Variants in GPR39 observed in about 807,000 individuals in gnomAD.
The protein encoded by GPR39 is zinc sensing receptor.
A neutral mutation model predicts 18.4 loss-of-function variants in GPR39; 23 were observed. The ratio of observed to expected loss-of-function variants is 1.25; its 90% CI spans 0.90 to 1.77. GPR39 has a LOEUF of 1.77. Ranked by LOEUF, GPR39 falls within the 40% of genes most tolerant of loss-of-function variation. GPR39 has a pLI of 0.00. For synonymous variants in GPR39, 280 were observed against 257.9 expected, an observed-to-expected ratio of 1.09 and a Z score of -0.82; for missense variants, 647 against 602.4, an observed-to-expected ratio of 1.07 and a Z score of -0.78.
rs1333589975 is a variant in GPR39, at chr2:132,493,231, CAT to C, written c.856+75341_856+75342del. On this transcript the variant is annotated intron_variant, in intron 1 of 1. Coordinates refer to ENST00000329321, the MANE Select transcript of GPR39 (RefSeq NM_001508.3). ...CCATATATGTACACCATATATACACCATATATATACACCATATATACACCATA... is the reference window on the plus strand; with the variant it reads ...CCATATATGTACACCATATATACACCATATATACACCATATATACACCATA... 4.0e-3 allele frequency among the ~76,000 whole-genome samples: 554 copies of C among 139,326 alleles called. 10 individuals carry two copies. The highest frequency in any genetic ancestry group is 0.012 in the African/African-American group (449 of 36,124). The allele number at this position is 139,326 out of a possible 152,430, so 91.4% of individuals were successfully genotyped here. A position where few individuals can be genotyped will look rare whatever the true frequency, so the allele number is the denominator to read the frequency against.
chr2:132,567,863 GTT>G lies in GPR39; in HGVS notation c.857-77235_857-77234del, dbSNP rs1342969805. On this transcript the variant is annotated intron_variant, in intron 1 of 1. Transcript: ENST00000329321. ...ATAGTAAGTTTCACGAGATCTGATGGTTTTAAAAAGGGGAGTTTCCCTACACA... is the reference window on the plus strand; with the variant it reads ...ATAGTAAGTTTCACGAGATCTGATGGTTAAAAAGGGGAGTTTCCCTACACA... Among the ~76,000 whole-genome samples, 1,383 of 151,888 alleles carry G rather than the reference GTT, an allele frequency of 9.1e-3. 20 individuals carry two copies. Among genetic ancestry groups the G allele is most frequent in the African/African-American group, 0.029 (1,212 of 41,394 alleles).
intron 1 of GPR39, among the ~76,000 whole-genome samples, chr2:132,418,197 T>C (rs1347659697): frequency 6.6e-6 from 1 of 152,196 alleles, no homozygotes; most frequent in Non-Finnish European, 1.5e-5. Context: ...CACAAAAATC[T>C]TTGGTAAAAT....
intron 1 of GPR39, among the ~76,000 whole-genome samples, chr2:132,587,723 T>C (rs1484659584): frequency 6.6e-6 from 1 of 151,948 alleles, no homozygotes; most frequent in Non-Finnish European, 1.5e-5. Context: ...TTAGTAGAGA[T>C]GGGGTTTCGC....
intron 1 of GPR39, among the ~76,000 whole-genome samples, chr2:132,441,963 G>C (rs113390378): frequency 3.9e-5 from 6 of 152,158 alleles, no homozygotes; most frequent in African/African-American, 1.2e-4. Context: ...TTCCCAGGGT[G>C]TTTCTCCTTG....
chr2:132,530,816 C>G (rs1441037891), intron 1 of GPR39, among the ~76,000 whole-genome samples: 2 of 152,134 alleles, frequency 1.3e-5, no homozygotes, highest in African/African-American at 4.8e-5. Context: ...GAGATTTTGT[C>G]ACCACCAGGC....
rs34104835 is a variant in GPR39, at chr2:132,598,431, C to CTTTTTTTTTTTTT, written c.857-46661_857-46649dup. 3.3e-5 allele frequency among the ~76,000 whole-genome samples: 3 copies of CTTTTTTTTTTTTT among 90,458 alleles called. 1 individual carries two copies. Among genetic ancestry groups the CTTTTTTTTTTTTT allele is most frequent in the African/African-American group, 1.3e-4 (3 of 22,230 alleles). The allele number at this position is 90,458 out of a possible 152,430, so 59.3% of individuals were successfully genotyped here. On this transcript the variant is annotated intron_variant, in intron 1 of 1. Coordinates refer to ENST00000329321, the MANE Select transcript of GPR39 (RefSeq NM_001508.3). Reference sequence around the variant, plus strand: ...TCTGATTTGGCTGGTCTAAGGTGAACTTTTTTTTTTTTTTTTTTTTTAAGC... The same window carrying CTTTTTTTTTTTTT: ...TCTGATTTGGCTGGTCTAAGGTGAACTTTTTTTTTTTTTTTTTTTTTTTTTTTTTTTTTTAAGC...
At chr2:132,502,721 A>G (rs1336945130) in intron 1 of GPR39, among the ~76,000 whole-genome samples, 2 of 152,120 alleles carry the variant, frequency 1.3e-5, no homozygotes, top group Non-Finnish European at 2.9e-5. Flanking sequence ...TTAGGTTTGG[A>G]CATTTAACAT....
intron 1 of GPR39, chr2:132,644,775 T>C (rs1681960906): frequency 1.1e-5 from 3 of 283,832 alleles, no homozygotes; most frequent in East Asian, 7.8e-5. Flanking sequence ...ATGGATAACA[T>C]GAACTGCTTT....
chr2:132,465,403 C>T (rs1680910318), intron 1 of GPR39, among the ~76,000 whole-genome samples: 1 of 152,150 alleles, frequency 6.6e-6, no homozygotes, highest in Non-Finnish European at 1.5e-5. Context: ...AATGCAACTT[C>T]CCCTAGTCTC....
At chr2:132,619,001 C>T (rs546525186) in intron 1 of GPR39, among the ~76,000 whole-genome samples, 50 of 152,278 alleles carry the variant, frequency 3.3e-4, no homozygotes, top group Middle Eastern at 3.4e-3. Context: ...CTGGTAACCC[C>T]GAGGACGGAC....
At chr2:132,613,292 G>A (rs1469178437) in intron 1 of GPR39, among the ~76,000 whole-genome samples, 1 of 152,204 alleles carries the variant, frequency 6.6e-6, no homozygotes, top group African/African-American at 2.4e-5. Flanking sequence ...CTTGTGCAAG[G>A]ATAAGGAACA....
intron 1 of GPR39, among the ~76,000 whole-genome samples, chr2:132,577,736 T>G (rs539188253): frequency 2.0e-5 from 3 of 152,258 alleles, no homozygotes; most frequent in Non-Finnish European, 4.4e-5. Context: ...CCTTGTATCC[T>G]GTAACCTTAT....
intron 1 of GPR39, among the ~76,000 whole-genome samples, chr2:132,524,378 C>T (rs1045055025): frequency 6.6e-6 from 1 of 152,076 alleles, no homozygotes; most frequent in African/African-American, 2.4e-5. Flanking sequence ...GACACCTGTG[C>T]CCTCCTTCCC....
chr2:132,487,624 A>G (rs979469093), intron 1 of GPR39, among the ~76,000 whole-genome samples: 2 of 152,206 alleles, frequency 1.3e-5, no homozygotes, highest in Non-Finnish European at 2.9e-5. Flanking sequence ...TTAGAAATGA[A>G]AATTATAATA....
intron 1 of GPR39, among the ~76,000 whole-genome samples, chr2:132,565,528 C>T (rs961889940): frequency 6.7e-6 from 1 of 148,788 alleles, no homozygotes; most frequent in African/African-American, 2.5e-5. Context: ...TTAGGTATAT[C>T]TCCCAATGCC....
At chr2:132,569,802 TAA>T (rs1351184673) in intron 1 of GPR39, among the ~76,000 whole-genome samples, 70 of 151,526 alleles carry the variant, frequency 4.6e-4, no homozygotes, top group African/African-American at 1.6e-3. Flanking sequence ...CCTGTGCTAT[TAA>T]CTTTAGAGTG....
intron 1 of GPR39, among the ~76,000 whole-genome samples, chr2:132,554,789 C>T (rs184687972): frequency 3.9e-5 from 6 of 152,284 alleles, no homozygotes; most frequent in African/African-American, 7.2e-5. Flanking sequence ...CCTAGATATG[C>T]GCTATCTCTT....
At chr2:132,492,392 CACCATATATATACATACCATATATAT>C (rs1247036089) in intron 1 of GPR39, among the ~76,000 whole-genome samples, 14 of 131,450 alleles carry the variant, frequency 1.1e-4, no homozygotes, top group Admixed American at 7.0e-4. Flanking sequence ...CATATATATA[CACCATATATATACATACCATATATAT>C]ACCATATATA....
At chr2:132,616,489 G>C (rs977820103) in intron 1 of GPR39, among the ~76,000 whole-genome samples, 1 of 152,232 alleles carries the variant, frequency 6.6e-6, no homozygotes, top group Non-Finnish European at 1.5e-5. Context: ...AAAGAATGCA[G>C]AGTGGAGATT....
Sources: gnomAD v4.1 joint callset for allele counts (sites outside exome capture counted in the v4.1 genomes callset) on GRCh38, gnomAD v4.1.1 for gene constraint, MANE v1.5 for transcripts, NCBI Gene and HGNC (gene_info 2026-07-23, HGNC 2026-07-21) for gene names.